MPPED2: variants seen among roughly 807,000 people sequenced by gnomAD.
MPPED2 encodes metallophosphoesterase domain containing 2, also known as metallophosphoesterase MPPED2.
In MPPED2, 5 loss-of-function variants were observed where a neutral mutation model predicts 33.0. The observed-to-expected ratio is 0.15, with a 90% CI of 0.08 to 0.32. The LOEUF is 0.32. MPPED2 is among the 10% of genes least tolerant of loss of function. The pLI, the probability that MPPED2 is intolerant of heterozygous loss-of-function variation, is 1.00. For missense variants in MPPED2, 275 were observed against 372.1 expected, an observed-to-expected ratio of 0.74 and a Z score of 2.15; for synonymous variants, 136 against 141.9, an observed-to-expected ratio of 0.96 and a Z score of 0.29.
At chr11:30,535,946 C>G in intron 3 of MPPED2, 48 bp downstream of exon 3, 1 of 1,496,604 alleles carries the variant, frequency 6.7e-7, no homozygotes, top group Admixed American at 2.1e-5. Context: ...GAGTGACACT[C>G]GGACGGGAAA....
intron 4 of MPPED2, among the ~76,000 whole-genome samples, chr11:30,484,241 G>T (rs2134140256): frequency 6.6e-6 from 1 of 152,068 alleles, no homozygotes; most frequent in South Asian, 2.1e-4. Flanking sequence ...TTCATCCTAG[G>T]AAGACTATTA....
intron 2 of MPPED2, among the ~76,000 whole-genome samples, chr11:30,575,844 A>C (rs981374227): frequency 5.9e-5 from 9 of 152,178 alleles, no homozygotes; most frequent in Admixed American, 4.6e-4. Flanking sequence ...ATAATCTTGA[A>C]AGGCACTAAA....
chr11:30,537,851 C>T (rs1488849813), intron 2 of MPPED2, among the ~76,000 whole-genome samples: 2 of 152,088 alleles, frequency 1.3e-5, no homozygotes, highest in Non-Finnish European at 2.9e-5. Context: ...CATTAGTAAC[C>T]TGGAAACCCT....
At chr11:30,502,292 C>T (rs1439533260) in intron 3 of MPPED2, among the ~76,000 whole-genome samples, 1 of 152,186 alleles carries the variant, frequency 6.6e-6, no homozygotes, top group Admixed American at 6.5e-5. Context: ...GAATCCTCCT[C>T]ATGCCATTAT....
intron 2 of MPPED2, among the ~76,000 whole-genome samples, chr11:30,554,133 C>A (rs538805970): frequency 2.6e-5 from 4 of 152,260 alleles, no homozygotes; most frequent in East Asian, 1.9e-4. Context: ...GGTTCTCCGC[C>A]CTCATGTCAA....
chr11:30,514,818 T>C (rs974065884), intron 3 of MPPED2, among the ~76,000 whole-genome samples: 1 of 152,162 alleles, frequency 6.6e-6, no homozygotes, highest in Non-Finnish European at 1.5e-5. Flanking sequence ...TAAAAAACTT[T>C]AGGTCTGGCG....
intron 6 of MPPED2, among the ~76,000 whole-genome samples, chr11:30,390,228 G>A (rs1053666687): frequency 6.6e-6 from 1 of 152,208 alleles, no homozygotes; most frequent in Non-Finnish European, 1.5e-5. Context: ...GCACTGGCAT[G>A]TAGAAGATAG....
At position 30,411,127 on chromosome 11, in the gene MPPED2, A is replaced by ATTTT; in HGVS notation, c.*337_*340dup. 1.0e-6 allele frequency: 1 copy of ATTTT among 990,190 alleles called. No individual in the cohort carries two copies. 61.3% of individuals were successfully genotyped at this position (990,190 alleles called of 1,614,324 possible). Reference sequence around the variant, plus strand: ...GTTTTTAAAACACTGCCTGTTTCTTATTTTTTTTTCTTTCAGCTTAAAGCA... The same window carrying ATTTT: ...GTTTTTAAAACACTGCCTGTTTCTTATTTTTTTTTTTTTCTTTCAGCTTAAAGCA... On this transcript the variant is annotated 3_prime_UTR_variant, in exon 7 of 7. Transcript: ENST00000358117.
Position 30,522,385 on chromosome 11 carries a change from CAT to C in MPPED2, c.310+13607_310+13608del, listed in dbSNP as rs1344515924. Among the ~76,000 whole-genome samples, 453 of 63,214 alleles carry C rather than the reference CAT, an allele frequency of 7.2e-3. 2 individuals carry two copies. Among genetic ancestry groups the C allele is most frequent in the African/African-American group, 0.023 (404 of 17,764 alleles). The allele number at this position is 63,214 out of a possible 152,430, so 41.5% of individuals were successfully genotyped here. A position where few individuals can be genotyped will look rare whatever the true frequency, so the allele number is the denominator to read the frequency against. On this transcript the variant is annotated intron_variant, in intron 3 of 6. Transcript: ENST00000358117. Reference sequence around the variant, plus strand: ...CTTAAACTCAAATGCTTCAGGAAAACATACACACACACACACACACACACACA... The same window carrying C: ...CTTAAACTCAAATGCTTCAGGAAAACACACACACACACACACACACACACA...
intron 3 of MPPED2, among the ~76,000 whole-genome samples, chr11:30,517,775 A>G (rs1953617230): frequency 6.6e-6 from 1 of 152,188 alleles, no homozygotes; most frequent in African/African-American, 2.4e-5. Flanking sequence ...CTGCCATGCC[A>G]AGCTTCTTGA....
intron 4 of MPPED2, among the ~76,000 whole-genome samples, chr11:30,481,855 G>A (rs1403747102): frequency 6.6e-6 from 1 of 152,064 alleles, no homozygotes; most frequent in Admixed American, 6.6e-5. Context: ...ATAAATGCAG[G>A]GCTCTGGTGC....
At chr11:30,571,073 T>C (rs769697944) in intron 2 of MPPED2, among the ~76,000 whole-genome samples, 1 of 152,126 alleles carries the variant, frequency 6.6e-6, no homozygotes, top group Admixed American at 6.6e-5. Flanking sequence ...TAATTCTCAC[T>C]TAGGATTTTA....
chr11:30,470,871 G>A (rs1334565870), intron 4 of MPPED2, among the ~76,000 whole-genome samples: 1 of 151,964 alleles, frequency 6.6e-6, no homozygotes, highest in African/African-American at 2.4e-5. Flanking sequence ...ATCCTGCATA[G>A]ACCAATTTTT....
chr11:30,558,874 C>T (rs1428084697), intron 2 of MPPED2, among the ~76,000 whole-genome samples: 3 of 151,826 alleles, frequency 2.0e-5, no homozygotes, highest in African/African-American at 7.3e-5. Context: ...TCAAATAGTC[C>T]ACAAACCTGG....
intron 4 of MPPED2, among the ~76,000 whole-genome samples, chr11:30,421,663 C>T (rs1948622759): frequency 6.6e-6 from 1 of 152,102 alleles, no homozygotes; most frequent in East Asian, 1.9e-4. Context: ...AGTAGTAGAG[C>T]CAAGATCTGA....
At chr11:30,544,217 C>T (rs1029941900) in intron 2 of MPPED2, among the ~76,000 whole-genome samples, 1 of 152,170 alleles carries the variant, frequency 6.6e-6, no homozygotes, top group Admixed American at 6.5e-5. Context: ...GATGACATAT[C>T]GCTGGGTCAT....
At chr11:30,544,770 G>T (rs1470773811) in intron 2 of MPPED2, among the ~76,000 whole-genome samples, 2 of 152,204 alleles carry the variant, frequency 1.3e-5, no homozygotes, top group African/African-American at 2.4e-5. Context: ...CTGCCTATGG[G>T]CTAGGAAGAA....
chr11:30,543,602 A>G (rs1490724070), intron 2 of MPPED2, among the ~76,000 whole-genome samples: 1 of 152,210 alleles, frequency 6.6e-6, no homozygotes, highest in Non-Finnish European at 1.5e-5. Flanking sequence ...ATCCACATCC[A>G]TCCACATATA....
exon 7 of MPPED2, chr11:30,387,074 A>C (rs1483518234): frequency 3.5e-6 from 1 of 288,604 alleles, no homozygotes; most frequent in East Asian, 5.6e-5. Context: ...GCATATAAGC[A>C]CAGCTGGATT....
Sources: gnomAD v4.1 joint callset for allele counts (sites outside exome capture counted in the v4.1 genomes callset) on GRCh38, gnomAD v4.1.1 for gene constraint, MANE v1.5 for transcripts, NCBI Gene and HGNC (gene_info 2026-07-23, HGNC 2026-07-21) for gene names.